Variants in CENPW observed in about 807,000 individuals in gnomAD.
CENPW encodes centromere protein W, also known as cancer-up-regulated gene 2 protein.
In CENPW, 3 loss-of-function variants were observed where a neutral mutation model predicts 11.1. The ratio of observed to expected loss-of-function variants is 0.27; its 90% CI spans 0.12 to 0.70. The LOEUF (loss-of-function observed/expected upper bound fraction) is 0.70, where lower values mean the gene tolerates loss of function less well. Among genes scored for constraint, CENPW ranks in the 30% least tolerant of loss-of-function variants. CENPW has a pLI of 0.77. For missense variants in CENPW, 100 were observed against 105.6 expected (o/e 0.95, Z 0.23); for synonymous variants, 38 against 42.0 (o/e 0.91, Z 0.37).
the CENPW span, among the ~76,000 whole-genome samples, chr6:126,396,775 G>A: frequency 6.6e-6 from 1 of 151,992 alleles, no homozygotes; most frequent in Admixed American, 6.6e-5. Context: ...GATGATGAGT[G>A]CTTCCAGGAC....
the CENPW span, among the ~76,000 whole-genome samples, chr6:126,470,395 G>A: frequency 6.6e-6 from 1 of 152,232 alleles, no homozygotes; most frequent in African/African-American, 2.4e-5. Flanking sequence ...TTGAGGTTTG[G>A]GAACCTCTGC....
the CENPW span, among the ~76,000 whole-genome samples, chr6:126,398,317 T>C: frequency 6.6e-6 from 1 of 152,226 alleles, no homozygotes; most frequent in East Asian, 1.9e-4. Context: ...CTTAGCATCA[T>C]GCCTAGTGCT....
chr6:126,418,178 G>A, the CENPW span, among the ~76,000 whole-genome samples: 2 of 152,184 alleles, frequency 1.3e-5, no homozygotes, highest in African/African-American at 2.4e-5. Context: ...ACTTTGTGCA[G>A]TAGTCTGGCA....
At chr6:126,401,565 A>G in the CENPW span, among the ~76,000 whole-genome samples, 3 of 151,822 alleles carry the variant, frequency 2.0e-5, no homozygotes, top group African/African-American at 4.8e-5. Context: ...ACAGGAGCAG[A>G]GGAATTTTTT....
At chr6:126,382,835 G>T in the CENPW span, among the ~76,000 whole-genome samples, 1 of 152,174 alleles carries the variant, frequency 6.6e-6, no homozygotes, top group Non-Finnish European at 1.5e-5. Context: ...GAGATGAAGA[G>T]AATGGAAGCA....
chr6:126,471,298 A>T, the CENPW span, among the ~76,000 whole-genome samples: 13 of 149,816 alleles, frequency 8.7e-5, no homozygotes, highest in African/African-American at 3.0e-4. Context: ...CCCTGCATGC[A>T]CTCTCTCTCT....
At chr6:126,472,817 CTT>C in the CENPW span, among the ~76,000 whole-genome samples, 2 of 152,138 alleles carry the variant, frequency 1.3e-5, no homozygotes, top group South Asian at 4.1e-4. Context: ...TAAGATCAGT[CTT>C]TTATCATTTT....
the CENPW span, among the ~76,000 whole-genome samples, chr6:126,417,175 T>C: frequency 1.6e-3 from 250 of 152,346 alleles, no homozygotes; most frequent in African/African-American, 5.9e-3. Flanking sequence ...AAGATTTGAC[T>C]GCTCTGCTGG....
the CENPW span, among the ~76,000 whole-genome samples, chr6:126,403,239 G>A: frequency 6.6e-6 from 1 of 152,020 alleles, no homozygotes; most frequent in Non-Finnish European, 1.5e-5. Flanking sequence ...ACTTTTCAGT[G>A]GGCTGTAAGT....
At chr6:126,473,014 C>T in the CENPW span, among the ~76,000 whole-genome samples, 3 of 152,204 alleles carry the variant, frequency 2.0e-5, no homozygotes, top group East Asian at 3.8e-4. Flanking sequence ...AATATGCCTC[C>T]TTTTCAGATT....
the CENPW span, among the ~76,000 whole-genome samples, chr6:126,467,676 C>T: frequency 6.6e-6 from 1 of 152,020 alleles, no homozygotes; most frequent in South Asian, 2.1e-4. Flanking sequence ...AGACAAATCT[C>T]CCAGACAGAA....
the CENPW span, among the ~76,000 whole-genome samples, chr6:126,355,524 A>G: frequency 6.7e-6 from 1 of 148,198 alleles, no homozygotes; most frequent in Non-Finnish European, 1.5e-5. Context: ...TGTATTCCAT[A>G]ACCTGAAGAC....
the CENPW span, among the ~76,000 whole-genome samples, chr6:126,454,910 TA>T: frequency 4.6e-3 from 696 of 150,652 alleles, 1 homozygote; most frequent in Non-Finnish European, 7.4e-3. Flanking sequence ...CCCACAGAAA[TA>T]AAAAAAACCC....
chr6:126,405,266 C>G, the CENPW span, among the ~76,000 whole-genome samples: 1 of 151,984 alleles, frequency 6.6e-6, no homozygotes, highest in East Asian at 1.9e-4. Flanking sequence ...ATCCTTTTCT[C>G]AATGTATTAA....
the CENPW span, among the ~76,000 whole-genome samples, chr6:126,406,038 T>C: frequency 6.6e-6 from 1 of 152,148 alleles, no homozygotes; most frequent in Non-Finnish European, 1.5e-5. Flanking sequence ...TTCTAGTTCC[T>C]AGAGGAAAAG....
chr6:126,432,007 G>A, the CENPW span, among the ~76,000 whole-genome samples: 1 of 146,240 alleles, frequency 6.8e-6, no homozygotes, highest in Non-Finnish European at 1.5e-5. Context: ...GGAGGTTGTG[G>A]TGAGCCAAGA....
At chr6:126,430,916 T>C in the CENPW span, among the ~76,000 whole-genome samples, 4 of 151,472 alleles carry the variant, frequency 2.6e-5, no homozygotes, top group Non-Finnish European at 5.9e-5. Flanking sequence ...TGAGACTCCA[T>C]CTCAAAAAAA....
the CENPW span, among the ~76,000 whole-genome samples, chr6:126,394,842 G>C: frequency 6.9e-6 from 1 of 145,338 alleles, no homozygotes; most frequent in African/African-American, 2.5e-5. Context: ...TATACTAAAA[G>C]TTTTTTTTTT....
chr6:126,403,420 A>G, the CENPW span, among the ~76,000 whole-genome samples: 474 of 152,246 alleles, frequency 3.1e-3, 1 homozygote, highest in Middle Eastern at 0.017. Context: ...GAAATTAAAA[A>G]GTGCAAGGAA....
Sources: gnomAD v4.1 joint callset for allele counts (sites outside exome capture counted in the v4.1 genomes callset) on GRCh38, gnomAD v4.1.1 for gene constraint, MANE v1.5 for transcripts, NCBI Gene and HGNC (gene_info 2026-07-23, HGNC 2026-07-21) for gene names.